The following AGBL4 variants were observed in gnomAD, a reference collection of about 807,000 sequenced individuals.
AGBL4 encodes the protein AGBL carboxypeptidase 4, also known as cytosolic carboxypeptidase 6.
Under a neutral mutation model 66.4 loss-of-function variants are expected in AGBL4, and 58 were observed. That is an observed-to-expected ratio of 0.87 (90% CI 0.71 to 1.09). AGBL4 has a LOEUF of 1.09. AGBL4 is among the 50% of genes least tolerant of loss of function. The probability of loss-of-function intolerance (pLI) is 0.00; values close to 1 mark genes in which losing one functional copy is unlikely to be tolerated. For synonymous variants in AGBL4, 234 were observed against 222.9 expected, an observed-to-expected ratio of 1.05 and a Z score of -0.44; for missense variants, 579 against 631.0, an observed-to-expected ratio of 0.92 and a Z score of 0.88.
Position 49,920,483 on chromosome 1 carries a change from T to C in AGBL4, c.35-68965A>G, listed in dbSNP as rs557108291. Among the ~76,000 whole-genome samples, 251 of 152,134 alleles carry C rather than the reference T, an allele frequency of 1.6e-3. 2 individuals are homozygous for C. In the South Asian group the frequency reaches 0.021, roughly 13 times the overall value. ...AACATTTATGCAGCCAACAGACACATGAAAAAATGCTCATCATCACTGGCC... is the reference window on the plus strand; with the variant it reads ...AACATTTATGCAGCCAACAGACACACGAAAAAATGCTCATCATCACTGGCC... On this transcript the variant is annotated intron_variant, in intron 1 of 13. Transcript: ENST00000371839.
At chr1:49,102,308 C>T (rs535661700) in intron 4 of AGBL4, among the ~76,000 whole-genome samples, 31 of 152,142 alleles carry the variant, frequency 2.0e-4, no homozygotes, top group African/African-American at 6.3e-4. Context: ...AGTAAAAATC[C>T]GAGAGATCAG....
At chr1:48,890,287 T>C (rs1177410036) in intron 5 of AGBL4, among the ~76,000 whole-genome samples, 1 of 152,136 alleles carries the variant, frequency 6.6e-6, no homozygotes, top group East Asian at 1.9e-4. Context: ...CTTCAACTTG[T>C]GTCATCTCTC....
At chr1:49,002,567 A>G (rs2148992701) in intron 5 of AGBL4, among the ~76,000 whole-genome samples, 1 of 152,362 alleles carries the variant, frequency 6.6e-6, no homozygotes, top group African/African-American at 2.4e-5. Context: ...AGCAAGGGAG[A>G]GAACATTAAG....
At chr1:49,973,594 T>C (rs536650397) in intron 1 of AGBL4, among the ~76,000 whole-genome samples, 91 of 148,414 alleles carry the variant, frequency 6.1e-4, no homozygotes, top group African/African-American at 1.7e-3. Flanking sequence ...TATTATCCTA[T>C]ATATTGTTAT....
At chr1:49,813,697 C>T (rs975002726) in intron 2 of AGBL4, among the ~76,000 whole-genome samples, 1 of 152,098 alleles carries the variant, frequency 6.6e-6, no homozygotes, top group Admixed American at 6.6e-5. Flanking sequence ...AGGTTACATT[C>T]CAGAGGGTGT....
intron 5 of AGBL4, among the ~76,000 whole-genome samples, chr1:48,973,394 G>T (rs1659067950): frequency 6.6e-6 from 1 of 152,088 alleles, no homozygotes; most frequent in Non-Finnish European, 1.5e-5. Context: ...GAAAGGCAAA[G>T]AAGTAATAAT....
intron 6 of AGBL4, among the ~76,000 whole-genome samples, chr1:48,722,550 G>C (rs1647168755): frequency 6.6e-6 from 1 of 152,066 alleles, no homozygotes; most frequent in Non-Finnish European, 1.5e-5. Context: ...AGTGAATGCA[G>C]GGTCTCAATT....
At chr1:48,664,668 C>G (rs1646158285) in intron 6 of AGBL4, among the ~76,000 whole-genome samples, 1 of 152,170 alleles carries the variant, frequency 6.6e-6, no homozygotes, top group Non-Finnish European at 1.5e-5. Flanking sequence ...GAAAATGTGG[C>G]TCCAAATCAG....
chr1:49,387,320 T>C (rs1644755334), intron 3 of AGBL4, among the ~76,000 whole-genome samples: 1 of 151,964 alleles, frequency 6.6e-6, no homozygotes. Context: ...TTGCTAATAA[T>C]AAAATAACCC....
chr1:49,749,225 T>C (rs112685430), intron 2 of AGBL4, among the ~76,000 whole-genome samples: 7,452 of 152,218 alleles, frequency 0.049, 558 homozygotes, highest in African/African-American at 0.16. Context: ...TTTCTGCATA[T>C]GGCTAGCCAG....
In AGBL4 at chr1:48,566,964, A is replaced by G. The variant is rs532751014; in HGVS notation, c.1267+20040T>C. Among the ~76,000 whole-genome samples the G allele has an allele frequency of 2.0e-4, 30 of 152,350 alleles. No individual in the cohort carries two copies. The South Asian group carries it at 6.0e-3, about 31-fold the overall frequency. On this transcript the variant is annotated intron_variant, in intron 11 of 13. Transcript: ENST00000371839. ...AGCAACATGGAGATAAACTGTCTCT[A>G]CAAAAACAATTAAAAAACTGCATGA... is the stretch of plus-strand genomic sequence containing the variant.
At chr1:48,676,791 A>G (rs1453812926) in intron 6 of AGBL4, among the ~76,000 whole-genome samples, 1 of 152,176 alleles carries the variant, frequency 6.6e-6, no homozygotes, top group Non-Finnish European at 1.5e-5. Flanking sequence ...GCTTATTAGA[A>G]CCATGCAGCA....
chr1:49,701,889 C>A (rs114852278), intron 2 of AGBL4, among the ~76,000 whole-genome samples: 51 of 151,936 alleles, frequency 3.4e-4, no homozygotes, highest in African/African-American at 1.2e-3. Context: ...CAATAAGAAG[C>A]AAATGTAACT....
chr1:48,614,452 C>A (rs1645287002), intron 9 of AGBL4, among the ~76,000 whole-genome samples: 1 of 152,154 alleles, frequency 6.6e-6, no homozygotes, highest in East Asian at 1.9e-4. Flanking sequence ...GAATAGGACC[C>A]AGTAGTATTG....
intron 3 of AGBL4, among the ~76,000 whole-genome samples, chr1:49,507,523 A>G (rs1234007113): frequency 2.0e-5 from 3 of 151,910 alleles, no homozygotes; most frequent in Non-Finnish European, 4.4e-5. Context: ...GAATGTGTGA[A>G]GTTGAACACT....
intron 1 of AGBL4, among the ~76,000 whole-genome samples, chr1:49,865,745 G>C (rs1021030983): frequency 6.6e-6 from 1 of 152,178 alleles, no homozygotes; most frequent in African/African-American, 2.4e-5. Flanking sequence ...AGAGAACTGG[G>C]CTGAGGCTGA....
chr1:49,533,988 G>A (rs1201626066), intron 3 of AGBL4, among the ~76,000 whole-genome samples: 2 of 151,982 alleles, frequency 1.3e-5, no homozygotes, highest in African/African-American at 4.8e-5. Flanking sequence ...CCAAAGAGAA[G>A]GGTCTAGGGT....
At chr1:49,252,286 G>C (rs992017946) in intron 3 of AGBL4, among the ~76,000 whole-genome samples, 1 of 151,952 alleles carries the variant, frequency 6.6e-6, no homozygotes, top group South Asian at 2.1e-4. Flanking sequence ...TAGCAGAACA[G>C]ACCAAGCAGA....
intron 5 of AGBL4, among the ~76,000 whole-genome samples, chr1:49,031,272 G>C (rs959371375): frequency 1.3e-5 from 2 of 151,808 alleles, no homozygotes; most frequent in Admixed American, 6.6e-5. Flanking sequence ...ATTTTTTGTA[G>C]AGATGGGATT....
Sources: allele counts gnomAD v4.1 joint callset (sites outside exome capture counted in the v4.1 genomes callset), GRCh38; gene constraint gnomAD v4.1.1; transcripts MANE v1.5; gene names NCBI Gene and HGNC (gene_info 2026-07-23, HGNC 2026-07-21).